Variants in AGMO observed in about 807,000 individuals in gnomAD.
AGMO encodes alkylglycerol monooxygenase, also known as glyceryl-ether monooxygenase.
AGMO carries 75 observed loss-of-function variants against 60.2 expected under a neutral mutation model. That is an observed-to-expected ratio of 1.25 (90% CI 1.03 to 1.51). The LOEUF (loss-of-function observed/expected upper bound fraction) is 1.51, where lower values mean the gene tolerates loss of function less well. Among genes scored for constraint, AGMO ranks in the 40% most tolerant of loss-of-function variants. The pLI, the probability that AGMO is intolerant of heterozygous loss-of-function variation, is 0.00. For synonymous variants in AGMO, 261 were observed against 177.1 expected, an observed-to-expected ratio of 1.47 and a Z score of -3.76; for missense variants, 763 against 525.5, an observed-to-expected ratio of 1.45 and a Z score of -4.42.
At chr7:15,470,899 T>A (rs1396502803) in intron 3 of AGMO, among the ~76,000 whole-genome samples, 5 of 151,980 alleles carry the variant, frequency 3.3e-5, no homozygotes, top group Non-Finnish European at 7.4e-5. Flanking sequence ...ATGTATATAT[T>A]CTTTCAGAAT....
intron 3 of AGMO, among the ~76,000 whole-genome samples, chr7:15,490,814 T>G (rs539420514): frequency 6.6e-6 from 1 of 152,314 alleles, no homozygotes; most frequent in Admixed American, 6.5e-5. Flanking sequence ...ATACCTGTTG[T>G]CTGCCCTTTG....
At chr7:15,478,032 C>T (rs1202860572) in intron 3 of AGMO, among the ~76,000 whole-genome samples, 1 of 152,072 alleles carries the variant, frequency 6.6e-6, no homozygotes, top group Non-Finnish European at 1.5e-5. Flanking sequence ...ATTGAAGGGA[C>T]ACATATTCTT....
At chr7:15,348,319 T>G (rs1254444173) in intron 12 of AGMO, among the ~76,000 whole-genome samples, 1 of 151,976 alleles carries the variant, frequency 6.6e-6, no homozygotes, top group Non-Finnish European at 1.5e-5. Context: ...AAACACATAC[T>G]ACTTAAAATG....
At chr7:15,354,402 GTGT>G (rs1782401262) in intron 12 of AGMO, among the ~76,000 whole-genome samples, 1 of 32,232 alleles carries the variant, frequency 3.1e-5, no homozygotes, top group Non-Finnish European at 4.9e-5. Context: ...ATACACGTGT[GTGT>G]ACACACGTGT....
downstream of AGMO, among the ~76,000 whole-genome samples, chr7:15,198,725 T>C (rs1159386756): frequency 6.6e-6 from 1 of 152,054 alleles, no homozygotes; most frequent in Non-Finnish European, 1.5e-5. Flanking sequence ...GCCTTGAAGC[T>C]ATTCTTGGCT....
chr7:15,183,436 A>C, the AGMO span, among the ~76,000 whole-genome samples: 220 of 152,314 alleles, frequency 1.4e-3, 1 homozygote, highest in African/African-American at 5.1e-3. Context: ...ACAAAATGTT[A>C]ATTTTATGCT....
At chr7:15,546,864 G>A (rs1284836462) in intron 2 of AGMO, among the ~76,000 whole-genome samples, 1 of 152,182 alleles carries the variant, frequency 6.6e-6, no homozygotes, top group Non-Finnish European at 1.5e-5. Context: ...CAGTGCCACT[G>A]CTGACATTTG....
chr7:15,220,576 C>T (rs1563041094), intron 12 of AGMO, among the ~76,000 whole-genome samples: 2 of 151,774 alleles, frequency 1.3e-5, no homozygotes, highest in Non-Finnish European at 2.9e-5. Context: ...ATTTAAAGTG[C>T]TTGGCATACT....
chr7:15,507,285 CA>C (rs1783539238), intron 3 of AGMO, among the ~76,000 whole-genome samples: 1 of 151,942 alleles, frequency 6.6e-6, no homozygotes, highest in Admixed American at 6.6e-5. Context: ...GGATGGGTAG[CA>C]TGAATATCAA....
At chr7:15,303,996 C>T (rs910274145) in intron 12 of AGMO, among the ~76,000 whole-genome samples, 1 of 152,090 alleles carries the variant, frequency 6.6e-6, no homozygotes, top group Non-Finnish European at 1.5e-5. Context: ...ATACGATTTT[C>T]CATGAACTCC....
At chr7:15,412,684 T>TAAAAAAAA (rs765917941) in intron 5 of AGMO, among the ~76,000 whole-genome samples, 7 of 111,362 alleles carry the variant, frequency 6.3e-5, no homozygotes, top group African/African-American at 1.8e-4. Flanking sequence ...TTTCATTATT[T>TAAAAAAAA]AAAAAAAAAA....
chr7:15,292,818 C>T (rs1054777080), intron 12 of AGMO, among the ~76,000 whole-genome samples: 4 of 127,748 alleles, frequency 3.1e-5, no homozygotes, highest in Non-Finnish European at 4.6e-5. Flanking sequence ...AGTGCAGTGG[C>T]GTGATCTCGG....
chr7:15,507,773 G>T (rs561474952), intron 3 of AGMO, among the ~76,000 whole-genome samples: 2 of 152,030 alleles, frequency 1.3e-5, no homozygotes, highest in South Asian at 4.2e-4. Flanking sequence ...GTTAAAAAAA[G>T]AATTTTTAAA....
intron 5 of AGMO, among the ~76,000 whole-genome samples, chr7:15,399,267 A>G (rs1360653297): frequency 1.3e-5 from 2 of 151,558 alleles, no homozygotes; most frequent in Admixed American, 1.3e-4. Context: ...TTTATAAATA[A>G]GCACCTATGA....
chr7:15,330,882 A>C (rs980892365), intron 12 of AGMO, among the ~76,000 whole-genome samples: 2 of 151,990 alleles, frequency 1.3e-5, no homozygotes, highest in African/African-American at 4.8e-5. Flanking sequence ...TCTATATTTT[A>C]TGGCATTCAA....
chr7:15,265,563 C>A (rs970276157), intron 12 of AGMO, among the ~76,000 whole-genome samples: 3 of 151,738 alleles, frequency 2.0e-5, no homozygotes, highest in Non-Finnish European at 4.4e-5. Context: ...AAATGCAAAT[C>A]AAAACCACAG....
At chr7:15,504,298 A>G (rs962803744) in intron 3 of AGMO, among the ~76,000 whole-genome samples, 1 of 151,390 alleles carries the variant, frequency 6.6e-6, no homozygotes, top group African/African-American at 2.4e-5. Context: ...TTATAAAGAT[A>G]AATGTGAGGA....
At chr7:15,168,811 G>C in the AGMO span, among the ~76,000 whole-genome samples, 1 of 152,190 alleles carries the variant, frequency 6.6e-6, no homozygotes, top group Non-Finnish European at 1.5e-5. Context: ...GATGCTTTCA[G>C]TGAAACAAAG....
intron 12 of AGMO, among the ~76,000 whole-genome samples, chr7:15,298,628 C>T (rs1583378328): frequency 1.3e-5 from 2 of 152,212 alleles, no homozygotes; most frequent in East Asian, 3.9e-4. Context: ...TCTTGAACCC[C>T]TGGGCTTCAA....
Sources: allele counts gnomAD v4.1 joint callset (sites outside exome capture counted in the v4.1 genomes callset), GRCh38; gene constraint gnomAD v4.1.1; transcripts MANE v1.5; gene names NCBI Gene and HGNC (gene_info 2026-07-23, HGNC 2026-07-21).